The following CFAP77 variants were observed in gnomAD, a reference collection of about 807,000 sequenced individuals.
CFAP77 encodes the protein cilia and flagella associated protein 77.
A neutral mutation model predicts 31.1 loss-of-function variants in CFAP77; 25 were observed. That is an observed-to-expected ratio of 0.80 (90% CI 0.59 to 1.12). CFAP77 has a LOEUF of 1.12. Ranked by LOEUF, CFAP77 falls within the 50% of genes most tolerant of loss-of-function variation. The pLI is 0.00. For missense variants in CFAP77, 377 were observed against 397.3 expected, an observed-to-expected ratio of 0.95 and a Z score of 0.44; for synonymous variants, 151 against 159.9, an observed-to-expected ratio of 0.94 and a Z score of 0.42.
chr9:132,473,841 G>A (rs990228185), intron 1 of CFAP77, among the ~76,000 whole-genome samples: 2 of 152,122 alleles, frequency 1.3e-5, no homozygotes, highest in African/African-American at 4.8e-5. Context: ...GCACCACCAC[G>A]CCCGGCTAAT....
At chr9:132,463,372 A>C (rs912990580) in intron 1 of CFAP77, among the ~76,000 whole-genome samples, 3 of 152,194 alleles carry the variant, frequency 2.0e-5, no homozygotes, top group African/African-American at 7.2e-5. Flanking sequence ...CTGGGATGCT[A>C]TCTGGGGGCA....
At position 132,501,695 on chromosome 9, in the gene CFAP77, G is replaced by A. The variant is rs1258778741; in HGVS notation, c.524+2095G>A. ...TAGGATGACAGGTGTGAGCCACTGC[G>A]CCCGGTTACATGACTATCTTCTACT... On this transcript the variant is annotated intron_variant, in intron 3 of 5. Coordinates refer to ENST00000393216, the MANE Select transcript of CFAP77 (RefSeq NM_001282957.2). The surrounding 1 kb of genome is among the most constrained non-coding windows in gnomAD (Gnocchi z 4.6). Among the ~76,000 whole-genome samples, 2 of 152,204 alleles carry A rather than the reference G, an allele frequency of 1.3e-5. No individual in the cohort carries two copies. Among genetic ancestry groups the A allele is most frequent in the Admixed American group, 6.5e-5 (1 of 15,288 alleles).
rs953354649 is a variant in CFAP77 at position 132,481,429 on chromosome 9, G to T, written c.196-17266G>T. Among the ~76,000 whole-genome samples the T allele has an allele frequency of 1.3e-5, 2 of 152,028 alleles. No homozygotes were observed. The highest frequency in any genetic ancestry group is 2.9e-5 in the Non-Finnish European group (2 of 68,012). On this transcript the variant is annotated intron_variant, in intron 1 of 5. Coordinates refer to ENST00000393216, the MANE Select transcript of CFAP77 (RefSeq NM_001282957.2). The surrounding 1 kb of genome is among the most constrained non-coding windows in gnomAD (Gnocchi z 5.0). ...CCCTTTGACTAGCCGCCTAATCCTC[G>T]AACTCACTCCTTACACTCCTCCCTC...
intron 1 of CFAP77, among the ~76,000 whole-genome samples, chr9:132,449,825 G>A (rs770151126): frequency 7.9e-5 from 12 of 152,164 alleles, no homozygotes; most frequent in South Asian, 4.1e-4. Context: ...GTTGCTCCCC[G>A]TTCTCACCAA....
intron 3 of CFAP77, among the ~76,000 whole-genome samples, chr9:132,510,061 C>T (rs534827884): frequency 2.0e-5 from 3 of 152,208 alleles, no homozygotes; most frequent in Non-Finnish European, 4.4e-5. Context: ...GCCTGACACT[C>T]GCGGCATCCC....
At chr9:132,464,873 C>T (rs766831459) in intron 1 of CFAP77, among the ~76,000 whole-genome samples, 32 of 151,920 alleles carry the variant, frequency 2.1e-4, no homozygotes, top group Non-Finnish European at 3.8e-4. Flanking sequence ...GGGTGGATCA[C>T]CTGAGGTCAG....
At chr9:132,546,260 T>C (rs148734104) in intron 5 of CFAP77, among the ~76,000 whole-genome samples, 19 of 152,006 alleles carry the variant, frequency 1.2e-4, no homozygotes, top group African/African-American at 4.6e-4. Context: ...GACTCAGGGG[T>C]CCGGGCGGGT....
intron 1 of CFAP77, among the ~76,000 whole-genome samples, chr9:132,437,603 G>A (rs571081632): frequency 1.0e-4 from 15 of 143,486 alleles, no homozygotes; most frequent in Non-Finnish European, 1.6e-4. Context: ...TCCGCCTCCC[G>A]GGTTCACGCC....
At chr9:132,543,110 G>A in intron 5 of CFAP77, 63 bp downstream of exon 5, 1 of 1,341,040 alleles carries the variant, frequency 7.5e-7, no homozygotes, top group Non-Finnish European at 1.1e-6. Context: ...ACCTTGCCAG[G>A]TCCTTACCTG....
At chr9:132,467,319 A>T (rs1589867777) in intron 1 of CFAP77, among the ~76,000 whole-genome samples, 1 of 152,130 alleles carries the variant, frequency 6.6e-6, no homozygotes, top group African/African-American at 2.4e-5. Flanking sequence ...GAAAACTGAA[A>T]CCCTGTCCCC....
intron 1 of CFAP77, among the ~76,000 whole-genome samples, chr9:132,447,669 C>T (rs1396431716): frequency 6.6e-6 from 1 of 152,236 alleles, no homozygotes; most frequent in African/African-American, 2.4e-5. Flanking sequence ...CTCTCAAATA[C>T]ACACTAAGCT....
At chr9:132,514,138 C>T (rs142128885) in intron 3 of CFAP77, among the ~76,000 whole-genome samples, 63 of 151,904 alleles carry the variant, frequency 4.1e-4, no homozygotes, top group Admixed American at 6.6e-4. Flanking sequence ...GATCCCCCTC[C>T]CCTGTGTCCC....
chr9:132,504,647 T>C (rs1851903863), intron 3 of CFAP77, among the ~76,000 whole-genome samples: 1 of 152,200 alleles, frequency 6.6e-6, no homozygotes, highest in Non-Finnish European at 1.5e-5. Context: ...GCTCCGCAAA[T>C]TGCAGGCAAA....
chr9:132,514,485 ACCTTTGCCCCCGGAG>A (rs1852108780), intron 3 of CFAP77, among the ~76,000 whole-genome samples: 1 of 152,018 alleles, frequency 6.6e-6, no homozygotes, highest in Admixed American at 6.6e-5. Flanking sequence ...CCTGGGACTC[ACCTTTGCCCCCGGAG>A]CCAGGATCCC....
At chr9:132,547,475 G>T (rs546207810) in intron 5 of CFAP77, among the ~76,000 whole-genome samples, 1 of 152,288 alleles carries the variant, frequency 6.6e-6, no homozygotes, top group African/African-American at 2.4e-5. Context: ...TCATTCCCCT[G>T]CTCATTCACA....
At chr9:132,422,372 A>G (rs1850231829) in intron 1 of CFAP77, among the ~76,000 whole-genome samples, 1 of 152,154 alleles carries the variant, frequency 6.6e-6, no homozygotes, top group African/African-American at 2.4e-5. Flanking sequence ...TCACTCAGGG[A>G]TACACATTGC....
rs960008792 is a variant in CFAP77, at chr9:132,497,875, G to A, written c.196-820G>A. Among the ~76,000 whole-genome samples, 1 of 152,140 alleles carries A rather than the reference G, an allele frequency of 6.6e-6. No individual in the cohort carries two copies. Among genetic ancestry groups the A allele is most frequent in the African/African-American group, 2.4e-5 (1 of 41,424 alleles). On this transcript the variant is annotated intron_variant, in intron 1 of 5. Coordinates refer to ENST00000393216, the MANE Select transcript of CFAP77 (RefSeq NM_001282957.2). This position sits in a 1 kb window ranked among gnomAD's most constrained non-coding sequence, Gnocchi z 4.9. ...GCAGGACAGGGTCTCTGACCTCGAGGAGCTGCTGTGATAAAGGGAGACCGC... is the reference window on the plus strand; with the variant it reads ...GCAGGACAGGGTCTCTGACCTCGAGAAGCTGCTGTGATAAAGGGAGACCGC...
chr9:132,512,818 G>A (rs1205698383), intron 3 of CFAP77, among the ~76,000 whole-genome samples: 4 of 152,146 alleles, frequency 2.6e-5, no homozygotes, highest in African/African-American at 9.7e-5. Flanking sequence ...GTGGTGGCAG[G>A]TGCCTGCAAT....
At position 132,495,402 on chromosome 9, in the gene CFAP77, A is replaced by C. The variant is rs540417098; in HGVS notation, c.196-3293A>C. Reference sequence around the variant, plus strand: ...AGGCAGAGTCTCTCCCAGAGAAGTCACATTTTAATTAACTTCCCCGGCAGT... The same window carrying C: ...AGGCAGAGTCTCTCCCAGAGAAGTCCCATTTTAATTAACTTCCCCGGCAGT... On this transcript the variant is annotated intron_variant, in intron 1 of 5. Coordinates refer to ENST00000393216, the MANE Select transcript of CFAP77 (RefSeq NM_001282957.2). This position sits in a 1 kb window ranked among gnomAD's most constrained non-coding sequence, Gnocchi z 4.2. 5.1e-4 allele frequency among the ~76,000 whole-genome samples: 78 copies of C among 152,292 alleles called. No homozygotes were observed. Among genetic ancestry groups the C allele is most frequent in the African/African-American group, 1.8e-3 (73 of 41,548 alleles).
Sources: allele counts gnomAD v4.1 joint callset (sites outside exome capture counted in the v4.1 genomes callset), GRCh38; gene constraint gnomAD v4.1.1; non-coding constraint Gnocchi (gnomAD v3.1); transcripts MANE v1.5; gene names NCBI Gene and HGNC (gene_info 2026-07-23, HGNC 2026-07-21).